TRAF1: variants seen among roughly 807,000 people sequenced by gnomAD.
TRAF1 encodes the protein TNF receptor associated factor 1.
In TRAF1, 23 loss-of-function variants were observed where a neutral mutation model predicts 40.9. That is an observed-to-expected ratio of 0.56 (90% CI 0.40 to 0.80). The LOEUF is 0.80. TRAF1 is among the 30% of genes least tolerant of loss of function. The probability of loss-of-function intolerance (pLI) is 0.00; values close to 1 mark genes in which losing one functional copy is unlikely to be tolerated. For synonymous variants in TRAF1, 206 were observed against 218.8 expected (o/e 0.94, Z 0.52); for missense variants, 477 against 528.7 (o/e 0.90, Z 0.96).
At chr9:120,915,911 T>C (rs2046566282) in intron 3 of TRAF1, among the ~76,000 whole-genome samples, 1 of 152,196 alleles carries the variant, frequency 6.6e-6, no homozygotes, top group African/African-American at 2.4e-5. Flanking sequence ...ACTTATAAAA[T>C]AATTTACTTA....
chr9:120,919,258 G>A (rs981199223), intron 3 of TRAF1, among the ~76,000 whole-genome samples: 1 of 152,310 alleles, frequency 6.6e-6, no homozygotes, highest in East Asian at 1.9e-4. Context: ...CCTCCGAGGA[G>A]GAGACAGAAA....
intron 3 of TRAF1, among the ~76,000 whole-genome samples, chr9:120,916,461 G>A (rs1003338207): frequency 6.6e-6 from 1 of 152,000 alleles, no homozygotes; most frequent in African/African-American, 2.4e-5. Flanking sequence ...TTCTATAAGC[G>A]CTTTGTTATT....
At chr9:120,905,506 A>G (rs1323742668) in intron 7 of TRAF1, among the ~76,000 whole-genome samples, 1 of 152,230 alleles carries the variant, frequency 6.6e-6, no homozygotes, top group African/African-American at 2.4e-5. Flanking sequence ...GCCAGCAGGA[A>G]GCAGGGGAAG....
At chr9:120,923,838 C>G (rs775311589) in intron 2 of TRAF1, 46 bp from the exon 3 acceptor site, 2 of 1,545,798 alleles carry the variant, frequency 1.3e-6, no homozygotes, top group East Asian at 2.2e-5. Context: ...CTACAGCTCC[C>G]TGCACCATCC....
chr9:120,910,990 TG>T (rs2046522093), intron 6 of TRAF1, among the ~76,000 whole-genome samples: 1 of 152,252 alleles, frequency 6.6e-6, no homozygotes, highest in Admixed American at 6.5e-5. Context: ...GCACATACTG[TG>T]GCCCACAGCA....
intron 2 of TRAF1, among the ~76,000 whole-genome samples, chr9:120,924,017 C>T (rs925159243): frequency 3.3e-5 from 5 of 152,260 alleles, no homozygotes; most frequent in South Asian, 2.1e-4. Context: ...CTGCACTGAC[C>T]GGAAGCTATT....
intron 7 of TRAF1, among the ~76,000 whole-genome samples, chr9:120,908,080 A>ATTC: frequency 8.4e-6 from 1 of 118,946 alleles, no homozygotes; most frequent in African/African-American, 6.2e-5. Context: ...TATTATTATT[A>ATTC]TTTTATTATT....
At chr9:120,925,908 C>A in intron 2 of TRAF1, 28 bp downstream of exon 2, 1 of 1,613,068 alleles carries the variant, frequency 6.2e-7, no homozygotes, top group Admixed American at 1.7e-5. Context: ...CCACTTTCTG[C>A]CCACCCTCCG....
At chr9:120,911,148 A>G (rs555958259) in intron 6 of TRAF1, among the ~76,000 whole-genome samples, 188 bp downstream of exon 6, 1 of 152,374 alleles carries the variant, frequency 6.6e-6, no homozygotes, top group Non-Finnish European at 1.5e-5. Flanking sequence ...CACAGGGCAG[A>G]GCACGGTTCA....
chr9:120,904,548 T>A lies in TRAF1; in HGVS notation c.*472A>T, dbSNP rs17848034. 5.2e-5 allele frequency: 9 copies of A among 172,650 alleles called. No individual in the cohort carries two copies. The East Asian group carries it at 1.3e-3, about 25-fold the overall frequency. 10.7% of individuals were successfully genotyped at this position (172,650 alleles called of 1,614,324 possible). On this transcript the variant is annotated 3_prime_UTR_variant, in exon 8 of 8. Coordinates refer to ENST00000373887, the MANE Select transcript of TRAF1 (RefSeq NM_005658.5). ...AATGACGAGCCTGGACAGACTGCAT[T>A]CAAACTGGCACCCCATCCCTTCCAC...
chr9:120,921,859 A>C (rs1390457132), intron 3 of TRAF1, among the ~76,000 whole-genome samples: 1 of 152,042 alleles, frequency 6.6e-6, no homozygotes, highest in African/African-American at 2.4e-5. Flanking sequence ...AGGTGTGGAC[A>C]CTCGCCTGCC....
Position 120,904,693 on chromosome 9 carries a change from C to T in TRAF1, c.*327G>A. The T allele has an allele frequency of 3.0e-6, 1 of 334,298 alleles. No homozygotes were observed. The highest frequency in any genetic ancestry group is 6.8e-5 in the East Asian group (1 of 14,746). The allele number at this position is 334,298 out of a possible 1,614,324, so 20.7% of individuals were successfully genotyped here. On this transcript the variant is annotated 3_prime_UTR_variant, in exon 8 of 8. Transcript: ENST00000373887. ...TCTGCTTGGGTCCTACGGTTCCAAG[C>T]CTGGTTCCATTTTCTTCTCATTTGG...
chr9:120,925,906 T>C, intron 2 of TRAF1, 30 bp downstream of exon 2: 1 of 1,613,076 alleles, frequency 6.2e-7, no homozygotes, highest in African/African-American at 1.3e-5. Flanking sequence ...ACCCACTTTC[T>C]GCCCACCCTC....
intron 7 of TRAF1, among the ~76,000 whole-genome samples, chr9:120,908,819 C>T (rs1030055227): frequency 6.6e-6 from 1 of 152,124 alleles, no homozygotes; most frequent in African/African-American, 2.4e-5. Flanking sequence ...CTCGGCCTCC[C>T]AAATTGTTGA....
chr9:120,922,220 C>T (rs2046610231), intron 3 of TRAF1, among the ~76,000 whole-genome samples: 1 of 152,162 alleles, frequency 6.6e-6, no homozygotes, highest in Admixed American at 6.5e-5. Flanking sequence ...TGACTCCTGC[C>T]TGTTTGGATT....
chr9:120,904,988 G>C lies in TRAF1; in HGVS notation c.*32C>G. 6.3e-7 allele frequency: 1 copy of C among 1,595,084 alleles called. No homozygotes were observed. The highest frequency in any genetic ancestry group is 8.6e-7 in the Non-Finnish European group (1 of 1,168,762). On this transcript the variant is annotated 3_prime_UTR_variant, in exon 8 of 8. Coordinates refer to ENST00000373887, the MANE Select transcript of TRAF1 (RefSeq NM_005658.5). ...ACAGTCCTCTGGCTAGCTCCCTTCT[G>C]AGTTGGAGCTCCCTCAGGAGCCCCG...
intron 7 of TRAF1, among the ~76,000 whole-genome samples, chr9:120,906,565 C>T (rs2046484380): frequency 1.3e-5 from 2 of 152,150 alleles, no homozygotes; most frequent in Non-Finnish European, 1.5e-5. Context: ...CATATACCTC[C>T]TGCCCCCACC....
chr9:120,911,110 G>A (rs1317906309), intron 6 of TRAF1, among the ~76,000 whole-genome samples: 1 of 152,246 alleles, frequency 6.6e-6, no homozygotes, highest in Non-Finnish European at 1.5e-5. Flanking sequence ...TCAGTCAGCT[G>A]GGGCCACCGC....
At chr9:120,911,576 C>T (rs555776350) in intron 5 of TRAF1, 63 bp from the exon 6 acceptor site, 21 of 1,563,212 alleles carry the variant, frequency 1.3e-5, no homozygotes, top group Middle Eastern at 1.8e-4. Flanking sequence ...ATGGGAATGG[C>T]GGGATGTGGA....
Sources: allele counts gnomAD v4.1 joint callset (sites outside exome capture counted in the v4.1 genomes callset), GRCh38; gene constraint gnomAD v4.1.1; transcripts MANE v1.5; gene names NCBI Gene and HGNC (gene_info 2026-07-23, HGNC 2026-07-21).